The following HIVEP1 variants were observed in gnomAD, a reference collection of about 807,000 sequenced individuals.
HIVEP1 encodes the protein zinc finger protein 40.
Under a neutral mutation model 180.0 loss-of-function variants are expected in HIVEP1, and 36 were observed. The ratio of observed to expected loss-of-function variants is 0.20; its 90% CI spans 0.15 to 0.26. The LOEUF (loss-of-function observed/expected upper bound fraction) is 0.26. Among genes scored for constraint, HIVEP1 ranks in the 10% least tolerant of loss-of-function variants. The pLI, the probability that HIVEP1 is intolerant of heterozygous loss-of-function variation, is 1.00. For missense variants in HIVEP1, 3,143 were observed against 3,268.7 expected (o/e 0.96, Z 0.94); for synonymous variants, 1,239 against 1,239.0 (o/e 1.00, Z 0.00).
chr6:12,159,004 A>T (rs1760231075), intron 7 of HIVEP1, among the ~76,000 whole-genome samples: 3 of 151,302 alleles, frequency 2.0e-5, no homozygotes, highest in African/African-American at 7.4e-5. Flanking sequence ...GAGGTTTCAC[A>T]CAATCTTGGC....
intron 4 of HIVEP1, among the ~76,000 whole-genome samples, chr6:12,127,642 T>C (rs1032744369): frequency 2.0e-5 from 3 of 152,104 alleles, no homozygotes; most frequent in African/African-American, 7.2e-5. Context: ...TTGCTCAGGG[T>C]ATAAAGAAGA....
chr6:12,124,423 A>G lies in HIVEP1; in HGVS notation c.4628A>G (p.Asn1543Ser). ...VSTQGSKPDK[N>S]SVLSGSSKSE... ...ACGCAGGGTAGCAAGCCAGATAAAAATTCTGTTTTATCTGGGTCTTCTAAA... is the reference window on the plus strand; with the variant it reads ...ACGCAGGGTAGCAAGCCAGATAAAAGTTCTGTTTTATCTGGGTCTTCTAAA... Residue 1543 changes from asparagine to serine, a missense_variant, in exon 4 of 9, where the codon AAT (asparagine) becomes AGT (serine). Coordinates refer to ENST00000379388, the MANE Select transcript of HIVEP1 (RefSeq NM_002114.4). 1 of 1,613,962 alleles carries G rather than the reference A, an allele frequency of 6.2e-7. No individual in the cohort carries two copies. Among genetic ancestry groups the G allele is most frequent in the Non-Finnish European group, 8.5e-7 (1 of 1,179,872 alleles).
At chr6:12,208,109 G>T in the HIVEP1 span, among the ~76,000 whole-genome samples, 1 of 152,120 alleles carries the variant, frequency 6.6e-6, no homozygotes, top group Non-Finnish European at 1.5e-5. Flanking sequence ...AGTTCATAGT[G>T]ATTATTCTGG....
chr6:12,184,259 G>A, the HIVEP1 span, among the ~76,000 whole-genome samples: 1 of 152,132 alleles, frequency 6.6e-6, no homozygotes, highest in African/African-American at 2.4e-5. Context: ...GAATACAGAT[G>A]ATATATTTGT....
intron 7 of HIVEP1, among the ~76,000 whole-genome samples, chr6:12,139,942 G>A (rs990856980): frequency 6.6e-6 from 1 of 152,244 alleles, no homozygotes; most frequent in Non-Finnish European, 1.5e-5. Context: ...AGAAACTTCT[G>A]CAGGCTTAAA....
chr6:12,122,905 T>G lies in HIVEP1; in HGVS notation c.3110T>G (p.Val1037Gly), dbSNP rs549129642. 6.2e-7 allele frequency: 1 copy of G among 1,614,032 alleles called. No homozygotes were observed. ...AGAAAAAGGAGGAAAATGAAAAGTG[T>G]TGGGGATGATGAAGAACTTCAGCAA... ...QIRKRRKMKSVGDDEELQQNE... is the reference protein window; with the variant it reads ...QIRKRRKMKSGGDDEELQQNE... The change falls in exon 4 of 9, where the codon GTT becomes GGT. Residue 1037 changes from valine (V) to glycine (G), a missense_variant. Val to Gly is a moderately radical substitution (Grantham distance 109). Coordinates refer to ENST00000379388, the MANE Select transcript of HIVEP1 (RefSeq NM_002114.4).
chr6:12,158,570 T>C (rs1760197086), intron 7 of HIVEP1, among the ~76,000 whole-genome samples: 1 of 152,186 alleles, frequency 6.6e-6, no homozygotes, highest in Non-Finnish European at 1.5e-5. Context: ...GATGGGGTGC[T>C]GTCTCTGTTC....
At chr6:12,174,592 A>T in the HIVEP1 span, among the ~76,000 whole-genome samples, 3 of 152,222 alleles carry the variant, frequency 2.0e-5, no homozygotes, top group Non-Finnish European at 4.4e-5. Context: ...GTAACTAAAC[A>T]AATTCCTGTG....
chr6:12,205,133 G>T, the HIVEP1 span, among the ~76,000 whole-genome samples: 1 of 152,158 alleles, frequency 6.6e-6, no homozygotes, highest in African/African-American at 2.4e-5. Context: ...GCCACTCTAA[G>T]GACCTGGCTC....
chr6:12,186,066 A>T, the HIVEP1 span, among the ~76,000 whole-genome samples: 1 of 152,148 alleles, frequency 6.6e-6, no homozygotes, highest in Admixed American at 6.5e-5. Flanking sequence ...TGATCAGATA[A>T]ACAGAATGTG....
At chr6:12,140,484 C>T (rs758884767) in intron 7 of HIVEP1, among the ~76,000 whole-genome samples, 70 of 152,320 alleles carry the variant, frequency 4.6e-4, no homozygotes, top group Non-Finnish European at 7.8e-4. Flanking sequence ...CGCAGCTCCT[C>T]GCCAGCAATG....
intron 7 of HIVEP1, among the ~76,000 whole-genome samples, chr6:12,146,927 G>A (rs1271628046): frequency 1.3e-5 from 2 of 152,118 alleles, no homozygotes; most frequent in African/African-American, 2.4e-5. Context: ...ACCGGTGATG[G>A]CCAAAGTGGT....
At chr6:12,174,040 C>G in the HIVEP1 span, among the ~76,000 whole-genome samples, 1 of 152,188 alleles carries the variant, frequency 6.6e-6, no homozygotes, top group Non-Finnish European at 1.5e-5. Flanking sequence ...TCTATACTTT[C>G]ATTACACAGC....
chr6:12,181,643 G>A, the HIVEP1 span, among the ~76,000 whole-genome samples: 13 of 152,170 alleles, frequency 8.5e-5, no homozygotes, highest in Non-Finnish European at 1.9e-4. Flanking sequence ...CAAAAGAAAA[G>A]TATTCGGAGA....
chr6:12,013,121 A>G (rs1317529250), intron 1 of HIVEP1, among the ~76,000 whole-genome samples: 1 of 152,098 alleles, frequency 6.6e-6, no homozygotes, highest in Non-Finnish European at 1.5e-5. Flanking sequence ...GAGGAGTCTC[A>G]GGGCTGCCGC....
chr6:12,130,821 C>T lies in HIVEP1; in HGVS notation c.6264C>T (p.Tyr2088=). ...VYVRGRGRGK[Y]ICEECGIRCK... Reference sequence around the variant, plus strand: ...TCCGAGGCAGGGGAAGAGGAAAATACATTTGTGAAGAATGTGGAATACGTT... The same window carrying T: ...TCCGAGGCAGGGGAAGAGGAAAATATATTTGTGAAGAATGTGGAATACGTT... The change falls in exon 6 of 9, where the codon TAC becomes TAT. Residue 2088 remains tyrosine, a synonymous_variant. Transcript: ENST00000379388. 1 of 1,611,436 alleles carries T rather than the reference C, an allele frequency of 6.2e-7. No individual in the cohort carries two copies.
rs891850952 is a variant in HIVEP1, at chr6:12,123,273, G to A, written c.3478G>A (p.Val1160Ile). 3 of 1,614,012 alleles carry A rather than the reference G, an allele frequency of 1.9e-6. No homozygotes were observed. The highest frequency in any genetic ancestry group is 2.7e-5 in the African/African-American group (2 of 74,894). ...TGAGCCTTTTGAAAGAGCCTCCCCA[G>A]TTTCTTTCCAGGAGCTGAATAGAAC... Reference protein sequence around the residue: ...KPEPFERASPVSFQELNRTGK... With the variant: ...KPEPFERASPISFQELNRTGK... The change falls in exon 4 of 9, where the codon GTT becomes ATT. Residue 1160 changes from valine (V) to isoleucine (I), a missense_variant. Transcript: ENST00000379388.
At chr6:12,008,090 C>T (rs894249220), upstream of HIVEP1, 9 of 152,030 alleles carry the variant, frequency 5.9e-5, no homozygotes, top group Admixed American at 1.3e-4. Context: ...GGTCCCGAGA[C>T]TGCTAACCTA....
intron 2 of HIVEP1, among the ~76,000 whole-genome samples, chr6:12,073,650 G>A (rs753592645): frequency 7.2e-5 from 11 of 152,086 alleles, no homozygotes; most frequent in Non-Finnish European, 1.3e-4. Flanking sequence ...TCACTCTCCA[G>A]CACTTTCATT....
Sources: gnomAD v4.1 joint callset for allele counts (sites outside exome capture counted in the v4.1 genomes callset) on GRCh38, gnomAD v4.1.1 for gene constraint, MANE v1.5 for transcripts, NCBI Gene and HGNC (gene_info 2026-07-23, HGNC 2026-07-21) for gene names.